FILIP1: variants seen among roughly 807,000 people sequenced by gnomAD.
FILIP1 encodes filamin A interacting protein 1, also known as filamin-A-interacting protein 1.
Under a neutral mutation model 102.1 loss-of-function variants are expected in FILIP1, and 61 were observed. That is an observed-to-expected ratio of 0.60 (90% CI 0.49 to 0.74). FILIP1 has a LOEUF of 0.74. FILIP1 is among the 30% of genes least tolerant of loss of function. FILIP1 has a pLI of 0.00. For synonymous variants in FILIP1, 491 were observed against 526.9 expected, an observed-to-expected ratio of 0.93 and a Z score of 0.93; for missense variants, 1,314 against 1,441.2, an observed-to-expected ratio of 0.91 and a Z score of 1.43.
At chr6:75,418,834 T>G (rs1037436073) in intron 1 of FILIP1, among the ~76,000 whole-genome samples, 1 of 152,222 alleles carries the variant, frequency 6.6e-6, no homozygotes, top group South Asian at 2.1e-4. Flanking sequence ...CAAATTATCT[T>G]AACATAGTTC....
intron 1 of FILIP1, among the ~76,000 whole-genome samples, chr6:75,431,383 A>C (rs1250642448): frequency 6.6e-6 from 1 of 152,182 alleles, no homozygotes; most frequent in Admixed American, 6.5e-5. Flanking sequence ...TATTTTCATC[A>C]GCTGCCATTC....
chr6:75,445,987 T>A (rs1778433017), intron 1 of FILIP1, among the ~76,000 whole-genome samples: 1 of 152,102 alleles, frequency 6.6e-6, no homozygotes, highest in Non-Finnish European at 1.5e-5. Flanking sequence ...GTAACAAAAT[T>A]TAAAGCATCA....
intron 3 of FILIP1, among the ~76,000 whole-genome samples, chr6:75,355,034 C>T (rs1019195540): frequency 1.1e-4 from 16 of 152,172 alleles, no homozygotes; most frequent in Non-Finnish European, 1.3e-4. Flanking sequence ...AAGGCTCATG[C>T]CCGTAATCTC....
intron 1 of FILIP1, among the ~76,000 whole-genome samples, 158 bp from the exon 2 acceptor site, chr6:75,415,136 T>C (rs1418617922): frequency 6.6e-6 from 1 of 152,090 alleles, no homozygotes; most frequent in Non-Finnish European, 1.5e-5. Context: ...CCTTTGATGG[T>C]CTTCAGAAAA....
intron 1 of FILIP1, among the ~76,000 whole-genome samples, chr6:75,475,499 T>G (rs980556828): frequency 6.6e-6 from 1 of 152,224 alleles, no homozygotes; most frequent in Non-Finnish European, 1.5e-5. Context: ...ATTATGATGA[T>G]GTTGTTATTA....
At chr6:75,363,600 C>G (rs763417280) in intron 2 of FILIP1, among the ~76,000 whole-genome samples, 1 of 152,144 alleles carries the variant, frequency 6.6e-6, no homozygotes, top group Non-Finnish European at 1.5e-5. Flanking sequence ...CTTAGCACAA[C>G]GTATTGCTGA....
intron 4 of FILIP1, among the ~76,000 whole-genome samples, chr6:75,351,472 A>G (rs894203161): frequency 1.3e-5 from 2 of 152,184 alleles, no homozygotes; most frequent in African/African-American, 4.8e-5. Flanking sequence ...GTGACTTACT[A>G]CCTTAAAGGG....
At chr6:75,353,763 G>A (rs1205524103) in intron 3 of FILIP1, 46 bp from the exon 4 acceptor site, 1 of 1,582,070 alleles carries the variant, frequency 6.3e-7, no homozygotes, top group South Asian at 1.1e-5. Context: ...TATTGCATTT[G>A]CATAGGACTC....
In FILIP1 at chr6:75,408,678, C is replaced by T. The variant is rs114275462; in HGVS notation, c.276+6019G>A. Among the ~76,000 whole-genome samples the T allele has an allele frequency of 2.8e-3, 431 of 152,320 alleles. 1 individual carries two copies. Among genetic ancestry groups the T allele is most frequent in the African/African-American group, 1.0e-2 (415 of 41,586 alleles). On this transcript the variant is annotated intron_variant, in intron 2 of 5. Transcript: ENST00000237172. ...AGGAGTCTGTAAAGGAGAAAATTGG[C>T]ATGACAAGCCTGAAGGAACCTCCAT...
At chr6:75,422,917 A>T (rs1003563621) in intron 1 of FILIP1, among the ~76,000 whole-genome samples, 1 of 152,142 alleles carries the variant, frequency 6.6e-6, no homozygotes, top group African/African-American at 2.4e-5. Flanking sequence ...CAAAAAGCAA[A>T]TTTGAGGGAT....
intron 3 of FILIP1, among the ~76,000 whole-genome samples, chr6:75,360,493 CAATT>C (rs1430591703): frequency 6.6e-6 from 1 of 152,138 alleles, no homozygotes; most frequent in African/African-American, 2.4e-5. Flanking sequence ...TCTACCCAAT[CAATT>C]GAGATCCCAC....
At chr6:75,309,773 C>T (rs1373800230) in intron 5 of FILIP1, among the ~76,000 whole-genome samples, 3 of 152,158 alleles carry the variant, frequency 2.0e-5, no homozygotes, top group African/African-American at 7.2e-5. Context: ...CCAAGAGTCA[C>T]CCTCTCTACT....
At chr6:75,481,309 T>C (rs550534314) in intron 1 of FILIP1, among the ~76,000 whole-genome samples, 6 of 152,288 alleles carry the variant, frequency 3.9e-5, no homozygotes, top group South Asian at 2.1e-4. Context: ...CAAAAAATAT[T>C]TGGTGAATGA....
intron 2 of FILIP1, among the ~76,000 whole-genome samples, chr6:75,376,499 T>A (rs1480254921): frequency 6.6e-6 from 1 of 152,150 alleles, no homozygotes; most frequent in Non-Finnish European, 1.5e-5. Flanking sequence ...CTCGGGCCAG[T>A]TAGCTCTGAA....
chr6:75,318,252 T>A (rs1020093974), intron 4 of FILIP1, among the ~76,000 whole-genome samples: 5 of 145,020 alleles, frequency 3.4e-5, no homozygotes, highest in Non-Finnish European at 7.6e-5. Context: ...TTTTTTTTTT[T>A]AGAGACGAGA....
intron 2 of FILIP1, among the ~76,000 whole-genome samples, chr6:75,375,656 G>C (rs927317056): frequency 6.6e-6 from 1 of 152,154 alleles, no homozygotes; most frequent in Non-Finnish European, 1.5e-5. Flanking sequence ...GGTGAGGGCT[G>C]GAGATATGGG....
intron 6 of FILIP1, among the ~76,000 whole-genome samples, chr6:75,301,511 T>C (rs969807850): frequency 6.6e-6 from 1 of 152,204 alleles, no homozygotes; most frequent in Non-Finnish European, 1.5e-5. Context: ...TCTTGATCTC[T>C]AAGGTCTATT....
At chr6:75,309,798 A>G (rs1196406607) in intron 5 of FILIP1, among the ~76,000 whole-genome samples, 2 of 152,160 alleles carry the variant, frequency 1.3e-5, no homozygotes, top group Non-Finnish European at 2.9e-5. Flanking sequence ...TTGTCATGAA[A>G]TCGTTATGAT....
intron 1 of FILIP1, among the ~76,000 whole-genome samples, chr6:75,466,061 A>G (rs1196412131): frequency 6.6e-6 from 1 of 152,086 alleles, no homozygotes; most frequent in Non-Finnish European, 1.5e-5. Context: ...AGATATTCAC[A>G]TGGCTTATTC....
Sources: allele counts gnomAD v4.1 joint callset (sites outside exome capture counted in the v4.1 genomes callset), GRCh38; gene constraint gnomAD v4.1.1; transcripts MANE v1.5; gene names NCBI Gene and HGNC (gene_info 2026-07-23, HGNC 2026-07-21).